The following HOOK3 variants were observed in gnomAD, a reference collection of about 807,000 sequenced individuals.
The protein encoded by HOOK3 is protein Hook homolog 3.
In HOOK3, 24 loss-of-function variants were observed where a neutral mutation model predicts 116.3. That is an observed-to-expected ratio of 0.21 (90% CI 0.15 to 0.29). The LOEUF (loss-of-function observed/expected upper bound fraction) is 0.29. Among genes scored for constraint, HOOK3 ranks in the 10% least tolerant of loss-of-function variants. The pLI is 1.00. For missense variants in HOOK3, 632 were observed against 830.2 expected (o/e 0.76, Z 2.93); for synonymous variants, 275 against 283.0 (o/e 0.97, Z 0.28).
chr8:42,904,163 A>G (rs1348332503), intron 1 of HOOK3, among the ~76,000 whole-genome samples: 1 of 152,184 alleles, frequency 6.6e-6, no homozygotes, highest in Admixed American at 6.5e-5. Context: ...GTGTGAAGAC[A>G]TATGGTCACC....
intron 13 of HOOK3, among the ~76,000 whole-genome samples, chr8:42,976,062 G>A (rs564366734): frequency 7.5e-4 from 112 of 150,262 alleles, no homozygotes; most frequent in East Asian, 4.7e-3. Context: ...GTGTGTGTGT[G>A]TATATATATG....
chr8:42,899,533 A>G (rs1026764184), intron 1 of HOOK3, among the ~76,000 whole-genome samples: 1 of 152,240 alleles, frequency 6.6e-6, no homozygotes, highest in Non-Finnish European at 1.5e-5. Context: ...TCAATGAGCA[A>G]TGTTTGATGA....
Position 42,973,219 on chromosome 8 carries a change from T to A in HOOK3, c.1123-70T>A, listed in dbSNP as rs1043749971. 8 of 1,510,644 alleles carry A rather than the reference T, an allele frequency of 5.3e-6. No homozygotes were observed. In the South Asian group the frequency reaches 9.3e-5, roughly 18 times the overall value. 93.6% of individuals were successfully genotyped at this position (1,510,644 alleles called of 1,614,324 possible). ...GGAGAGATTTTGGTTTTCTTAAACCTGTAGAAGAAAATAAGGATAATTTCT... is the reference window on the plus strand; with the variant it reads ...GGAGAGATTTTGGTTTTCTTAAACCAGTAGAAGAAAATAAGGATAATTTCT... On this transcript the variant is annotated intron_variant, in intron 11 of 21. Transcript: ENST00000307602.
rs1807305863 is a variant in HOOK3 at position 42,906,168 on chromosome 8, T to A, written c.58-5T>A. The A allele has an allele frequency of 9.1e-6, 6 of 659,512 alleles. No individual in the cohort carries two copies. The highest frequency in any genetic ancestry group is 2.8e-5 in the South Asian group (2 of 72,382). The allele number at this position is 659,512 out of a possible 1,614,324, so 40.9% of individuals were successfully genotyped here. A position where few individuals can be genotyped will look rare whatever the true frequency, so the allele number is the denominator to read the frequency against. ...TCTCCCCCCCCCCTCTTTTTTTCCC[T>A]TCAGATCCAGACATTTAATGTGGAT... On this transcript the variant is annotated splice_region_variant and splice_polypyrimidine_tract_variant and intron_variant, in intron 1 of 21. Coordinates refer to ENST00000307602, the MANE Select transcript of HOOK3 (RefSeq NM_032410.4).
At chr8:43,000,024 T>A (rs2130471209) in intron 16 of HOOK3, among the ~76,000 whole-genome samples, 2 of 152,188 alleles carry the variant, frequency 1.3e-5, no homozygotes, top group South Asian at 2.1e-4. Flanking sequence ...GGCGGGTACC[T>A]GTAGTCCCAG....
At chr8:42,992,931 A>T (rs950189921) in intron 15 of HOOK3, among the ~76,000 whole-genome samples, 3 of 152,092 alleles carry the variant, frequency 2.0e-5, no homozygotes, top group African/African-American at 7.2e-5. Flanking sequence ...ATTCAGTATG[A>T]TACTAGCTAT....
chr8:42,985,264 T>C (rs1171142369), intron 14 of HOOK3, among the ~76,000 whole-genome samples: 2 of 152,202 alleles, frequency 1.3e-5, no homozygotes, highest in Non-Finnish European at 2.9e-5. Flanking sequence ...CAGAGAAGTA[T>C]ATTTATAAAG....
chr8:42,908,098 A>G (rs751007183), intron 2 of HOOK3, among the ~76,000 whole-genome samples: 1 of 152,200 alleles, frequency 6.6e-6, no homozygotes, highest in Non-Finnish European at 1.5e-5. Context: ...TAAAATACGT[A>G]GGAATACATT....
At chr8:42,939,007 A>T (rs1206021512) in intron 4 of HOOK3, among the ~76,000 whole-genome samples, 1 of 152,162 alleles carries the variant, frequency 6.6e-6, no homozygotes, top group Non-Finnish European at 1.5e-5. Flanking sequence ...GATACAGCAC[A>T]TGTTTCAGAG....
chr8:42,984,860 G>C (rs780447060), intron 14 of HOOK3, among the ~76,000 whole-genome samples: 2 of 152,088 alleles, frequency 1.3e-5, no homozygotes, highest in African/African-American at 4.8e-5. Flanking sequence ...CCTAGATTGC[G>C]CCACAGTCCT....
At chr8:42,918,576 C>A (rs1420662275) in intron 2 of HOOK3, among the ~76,000 whole-genome samples, 1 of 152,054 alleles carries the variant, frequency 6.6e-6, no homozygotes, top group Non-Finnish European at 1.5e-5. Flanking sequence ...GCCCTGCCGC[C>A]TTCCGCAGTG....
chr8:42,923,058 A>C (rs1210955778), intron 2 of HOOK3, among the ~76,000 whole-genome samples: 1 of 152,220 alleles, frequency 6.6e-6, no homozygotes, highest in African/African-American at 2.4e-5. Flanking sequence ...TAATTTGAAT[A>C]GGCTTTTTTC....
chr8:42,918,001 A>C (rs1339821157), intron 2 of HOOK3, among the ~76,000 whole-genome samples: 1 of 152,256 alleles, frequency 6.6e-6, no homozygotes, highest in Non-Finnish European at 1.5e-5. Context: ...TGTAAAAAAC[A>C]CTAAAATTTG....
chr8:42,979,245 A>G (rs543510173), intron 13 of HOOK3, among the ~76,000 whole-genome samples: 1 of 152,340 alleles, frequency 6.6e-6, no homozygotes, highest in African/African-American at 2.4e-5. Flanking sequence ...TCACTCCAGC[A>G]TAGGTGACCG....
chr8:43,002,231 C>A, intron 17 of HOOK3, 90 bp downstream of exon 17: 1 of 912,216 alleles, frequency 1.1e-6, no homozygotes, highest in Non-Finnish European at 1.8e-6. Context: ...GGCGTTGGCA[C>A]AGGTGGCCCT....
rs142633291 is a variant in HOOK3 at position 42,974,851 on chromosome 8, G to T, written c.1321+657G>T. 3.6e-3 allele frequency among the ~76,000 whole-genome samples: 550 copies of T among 152,286 alleles called. 2 individuals carry two copies. The highest frequency in any genetic ancestry group is 0.013 in the African/African-American group (524 of 41,562). On this transcript the variant is annotated intron_variant, in intron 13 of 21. Transcript: ENST00000307602. ...GGCTCCCTTCCATTCTGAGAGGACC[G>T]TGCCCCCTTATTTTTGACCTCTAAG...
intron 3 of HOOK3, among the ~76,000 whole-genome samples, chr8:42,927,643 C>T (rs2089148047): frequency 6.6e-6 from 1 of 152,114 alleles, no homozygotes; most frequent in South Asian, 2.1e-4. Context: ...GTCTCACTCT[C>T]ACCCAGGATA....
Position 42,927,548 on chromosome 8 carries a change from G to A in HOOK3, c.216+1919G>A, listed in dbSNP as rs1445857583. ...TGGGTTTACAGGCGTGAGCCACTGT[G>A]CCCGGCCGGCCCTGTTTTAATTTCT... is the stretch of plus-strand genomic sequence containing the variant. On this transcript the variant is annotated intron_variant, in intron 3 of 21. Coordinates refer to ENST00000307602, the MANE Select transcript of HOOK3 (RefSeq NM_032410.4). Among the ~76,000 whole-genome samples, 4 of 152,154 alleles carry A rather than the reference G, an allele frequency of 2.6e-5. No individual in the cohort carries two copies. The South Asian group carries it at 6.2e-4, about 24-fold the overall frequency.
In HOOK3 at chr8:42,906,087, C is replaced by CAAAAAA. The variant is rs35347216; in HGVS notation, c.58-73_58-68dup. On this transcript the variant is annotated intron_variant, in intron 1 of 21. Coordinates refer to ENST00000307602, the MANE Select transcript of HOOK3 (RefSeq NM_032410.4). ...GGGTGACAGGGCTAGACTCCGTCTCCAAAAAAAAAAAAAAAAAAGGCCTAA... is the reference window on the plus strand; with the variant it reads ...GGGTGACAGGGCTAGACTCCGTCTCCAAAAAAAAAAAAAAAAAAAAAAAAGGCCTAA... 20 of 397,758 alleles carry CAAAAAA rather than the reference C, an allele frequency of 5.0e-5. No individual in the cohort carries two copies. In the East Asian group the frequency reaches 1.2e-3, roughly 23 times the overall value. The allele number at this position is 397,758 out of a possible 1,614,324, so 24.6% of individuals were successfully genotyped here. A position where few individuals can be genotyped will look rare whatever the true frequency, so the allele number is the denominator to read the frequency against.
Sources: gnomAD v4.1 joint callset for allele counts (sites outside exome capture counted in the v4.1 genomes callset) on GRCh38, gnomAD v4.1.1 for gene constraint, MANE v1.5 for transcripts, NCBI Gene and HGNC (gene_info 2026-07-23, HGNC 2026-07-21) for gene names.